The following CSMD2 variants were observed in gnomAD, a reference collection of about 807,000 sequenced individuals.
The protein encoded by CSMD2 is CUB and Sushi multiple domains 2, also known as CUB and sushi domain-containing protein 2.
CSMD2 carries 130 observed loss-of-function variants against 398.5 expected under a neutral mutation model. That is an observed-to-expected ratio of 0.33 (90% CI 0.28 to 0.38). The LOEUF (loss-of-function observed/expected upper bound fraction) is 0.38. Ranked by LOEUF, CSMD2 falls within the 10% of genes least tolerant of loss-of-function variation. The pLI is 1.00. For missense variants in CSMD2, 3,829 were observed against 4,764.9 expected (o/e 0.80, Z 5.78); for synonymous variants, 1,828 against 1,908.5 (o/e 0.96, Z 1.10).
chr1:33,983,305 G>A (rs1218853562), intron 3 of CSMD2, among the ~76,000 whole-genome samples: 1 of 152,180 alleles, frequency 6.6e-6, no homozygotes, highest in Non-Finnish European at 1.5e-5. Context: ...CAAGGATGTG[G>A]GCAATGCAGC....
chr1:34,016,105 T>A (rs1648073518), intron 3 of CSMD2, among the ~76,000 whole-genome samples: 1 of 152,120 alleles, frequency 6.6e-6, no homozygotes, highest in Non-Finnish European at 1.5e-5. Flanking sequence ...TTAGTTAAGA[T>A]TTATAGTTTA....
chr1:33,675,739 ACATCAAAAAG>A (rs1557713050), intron 25 of CSMD2, among the ~76,000 whole-genome samples: 2 of 152,326 alleles, frequency 1.3e-5, no homozygotes, highest in East Asian at 3.9e-4. Flanking sequence ...ATCCAGCAGC[ACATCAAAAAG>A]CTTATGCACC....
At chr1:33,827,905 T>C (rs1302096027) in intron 6 of CSMD2, among the ~76,000 whole-genome samples, 1 of 152,176 alleles carries the variant, frequency 6.6e-6, no homozygotes, top group African/African-American at 2.4e-5. Context: ...CAGGATCTGC[T>C]CCCAAGCTCA....
intron 3 of CSMD2, among the ~76,000 whole-genome samples, chr1:33,964,163 G>T (rs188331091): frequency 2.5e-4 from 38 of 152,320 alleles, no homozygotes; most frequent in African/African-American, 9.1e-4. Context: ...GTGCCATGGA[G>T]TGGTGGAGAG....
At chr1:33,857,179 A>G (rs1570285966) in intron 5 of CSMD2, among the ~76,000 whole-genome samples, 2 of 152,154 alleles carry the variant, frequency 1.3e-5, no homozygotes, top group African/African-American at 4.8e-5. Context: ...AGTAAGGATA[A>G]TAACAGCACC....
chr1:33,783,580 C>A, intron 12 of CSMD2, among the ~76,000 whole-genome samples: 1 of 152,020 alleles, frequency 6.6e-6, no homozygotes, highest in East Asian at 1.9e-4. Context: ...TTGGCCAAAT[C>A]CTTAACCTTG....
At chr1:33,760,406 T>C (rs944308993) in intron 13 of CSMD2, among the ~76,000 whole-genome samples, 1 of 152,214 alleles carries the variant, frequency 6.6e-6, no homozygotes, top group African/African-American at 2.4e-5. Context: ...CCTATGCTAC[T>C]GGGAAGTAGC....
chr1:33,583,585 C>G, intron 47 of CSMD2, 57 bp downstream of exon 47: 1 of 1,547,778 alleles, frequency 6.5e-7, no homozygotes, highest in Non-Finnish European at 8.8e-7. Context: ...TCCTCGGGTT[C>G]TGGAGCAAGT....
intron 2 of CSMD2, among the ~76,000 whole-genome samples, chr1:34,053,529 C>T (rs1273597836): frequency 1.3e-5 from 2 of 152,142 alleles, no homozygotes; most frequent in Admixed American, 6.5e-5. Flanking sequence ...TGCTCTACTA[C>T]CCTAGAATCC....
At chr1:34,030,087 A>T (rs769244965) in intron 3 of CSMD2, among the ~76,000 whole-genome samples, 1 of 152,380 alleles carries the variant, frequency 6.6e-6, no homozygotes, top group East Asian at 1.9e-4. Context: ...ATTTTCTGCA[A>T]TGATGGAAAT....
intron 24 of CSMD2, among the ~76,000 whole-genome samples, chr1:33,694,800 G>T (rs952807463): frequency 2.6e-5 from 4 of 152,082 alleles, no homozygotes; most frequent in Non-Finnish European, 5.9e-5. Context: ...AGGGCTGATT[G>T]CCTGTTCTGT....
chr1:33,858,423 C>G (rs539675966), intron 5 of CSMD2, among the ~76,000 whole-genome samples: 10 of 152,264 alleles, frequency 6.6e-5, no homozygotes, highest in African/African-American at 2.4e-4. Flanking sequence ...CCTAGACTAC[C>G]AGTAGAGGCT....
chr1:33,672,735 A>G (rs547155684), intron 25 of CSMD2, among the ~76,000 whole-genome samples: 1 of 152,216 alleles, frequency 6.6e-6, no homozygotes, highest in East Asian at 1.9e-4. Flanking sequence ...CTGACACCTC[A>G]CACGGCTGGG....
intron 5 of CSMD2, among the ~76,000 whole-genome samples, chr1:33,867,540 T>C (rs1640130478): frequency 6.6e-6 from 1 of 152,264 alleles, no homozygotes; most frequent in Non-Finnish European, 1.5e-5. Context: ...ACTAAGTCTG[T>C]GGTAATTTGT....
chr1:33,829,572 G>A (rs1040413038), intron 6 of CSMD2, among the ~76,000 whole-genome samples: 17 of 152,194 alleles, frequency 1.1e-4, no homozygotes, highest in South Asian at 2.1e-4. Flanking sequence ...AGCTCCCAGC[G>A]TGAGCGACGC....
chr1:33,580,823 G>T lies in CSMD2; in HGVS notation c.7317C>A (p.Ser2439Arg), dbSNP rs750345486. ...YSAPLIVTSS[S>R]NSVYLRWSSD... The stretch of plus-strand genomic sequence containing the variant: ...ATGACCAACGCAGGTACACAGAGTT[G>T]CTTGAGCTGGTGACAATCAGGGGAG... The change falls in exon 48 of 71, where the codon AGC becomes AGA. Residue 2439 changes from serine to arginine, a missense_variant. By Grantham distance (110) the Ser-to-Arg change is moderately radical. This residue lies in a region of CSMD2 where 723 missense variants were observed against 758.6 expected (regional missense o/e 0.95). Transcript: ENST00000373381. The T allele has an allele frequency of 6.8e-6, 11 of 1,614,052 alleles. No individual in the cohort carries two copies. In the African/African-American group the frequency reaches 1.5e-4, roughly 22 times the overall value.
chr1:34,096,845 T>C (rs1288478732), intron 1 of CSMD2, among the ~76,000 whole-genome samples: 5 of 136,582 alleles, frequency 3.7e-5, no homozygotes, highest in African/African-American at 1.4e-4. Flanking sequence ...CCCAAGGTAA[T>C]TTACAGATTC....
At chr1:34,165,582 CCACA>C (rs373165115), upstream of CSMD2, among the ~76,000 whole-genome samples, 2 of 150,070 alleles carry the variant, frequency 1.3e-5, no homozygotes, top group African/African-American at 2.5e-5. Flanking sequence ...ACCCCCCTCT[CCACA>C]CACACACACA....
At chr1:33,813,921 A>G (rs1228798511) in intron 9 of CSMD2, 1 of 152,438 alleles carries the variant, frequency 6.6e-6, no homozygotes, top group Non-Finnish European at 1.5e-5. Flanking sequence ...TACTCCCACT[A>G]CTGTCCTGAC....
Sources: gnomAD v4.1 joint callset for allele counts (sites outside exome capture counted in the v4.1 genomes callset) on GRCh38, gnomAD v4.1.1 for gene constraint, gnomAD v4.1.1 regional missense constraint, MANE v1.5 for transcripts, NCBI Gene and HGNC (gene_info 2026-07-23, HGNC 2026-07-21) for gene names.